Variants in DIXDC1 observed in about 807,000 individuals in gnomAD.
The protein encoded by DIXDC1 is DIX domain containing 1.
DIXDC1 carries 64 observed loss-of-function variants against 103.1 expected under a neutral mutation model. The observed-to-expected ratio is 0.62, with a 90% CI of 0.51 to 0.76. The LOEUF is 0.76. Ranked by LOEUF, DIXDC1 falls within the 30% of genes least tolerant of loss-of-function variation. DIXDC1 has a pLI of 0.00. For missense variants in DIXDC1, 759 were observed against 834.2 expected, an observed-to-expected ratio of 0.91 and a Z score of 1.11; for synonymous variants, 266 against 298.5, an observed-to-expected ratio of 0.89 and a Z score of 1.12.
chr11:111,929,095 C>T (rs587692627), intron 1 of DIXDC1, among the ~76,000 whole-genome samples: 9 of 152,202 alleles, frequency 5.9e-5, no homozygotes, highest in African/African-American at 2.2e-4. Flanking sequence ...AGGAGAATCG[C>T]TTGAACCTGG....
rs1469329989 is a variant in DIXDC1, at chr11:112,021,937, C to G, written c.*2901C>G. 1 of 150,906 alleles carries G rather than the reference C, an allele frequency of 6.6e-6. No individual in the cohort carries two copies. Among genetic ancestry groups the G allele is most frequent in the African/African-American group, 2.4e-5 (1 of 40,910 alleles). 9.3% of individuals were successfully genotyped at this position (150,906 alleles called of 1,614,324 possible). ...TTGAGGTTGCAGTGAGCTGATCATG[C>G]CACTGCACTCTAGCCTAGGCTACAG... On this transcript the variant is annotated 3_prime_UTR_variant, in exon 20 of 20. Transcript: ENST00000440460.
rs1221666046 is a variant in DIXDC1, at chr11:111,966,397, ATTTTTTTTTT to A, written c.190+1734_190+1743del. Reference sequence around the variant, plus strand: ...ACCACCACGCCAAGCTAATTTTTGTATTTTTTTTTTTTTTTTTTTTTTTTGAGACGGAGTC... The same window carrying A: ...ACCACCACGCCAAGCTAATTTTTGTATTTTTTTTTTTTTTGAGACGGAGTC... On this transcript the variant is annotated intron_variant, in intron 2 of 19. Coordinates refer to ENST00000440460, the MANE Select transcript of DIXDC1 (RefSeq NM_001037954.4). Among the ~76,000 whole-genome samples, 388 of 58,658 alleles carry A rather than the reference ATTTTTTTTTT, an allele frequency of 6.6e-3. 4 individuals carry two copies. Among genetic ancestry groups the A allele is most frequent in the African/African-American group, 0.023 (359 of 15,660 alleles). The allele number at this position is 58,658 out of a possible 152,430, so 38.5% of individuals were successfully genotyped here.
At chr11:112,016,935 G>C (rs1861608231) in intron 18 of DIXDC1, 139 bp downstream of exon 18, 1 of 681,214 alleles carries the variant, frequency 1.5e-6, no homozygotes, top group Admixed American at 3.3e-5. Context: ...ATAAGCCAGA[G>C]AGACAGATTC....
chr11:111,950,049 A>G (rs1445843332), intron 1 of DIXDC1, among the ~76,000 whole-genome samples: 1 of 152,192 alleles, frequency 6.6e-6, no homozygotes, highest in Non-Finnish European at 1.5e-5. Context: ...ACTTGAATAA[A>G]TGAATGCATG....
At position 111,996,141 on chromosome 11, in the gene DIXDC1, A is replaced by G. The variant is rs1860892637; in HGVS notation, c.1751A>G (p.Asn584Ser). 3.1e-6 allele frequency: 5 copies of G among 1,613,388 alleles called. No individual in the cohort carries two copies. The highest frequency in any genetic ancestry group is 4.2e-6 in the Non-Finnish European group (5 of 1,179,670). Reference sequence around the variant, plus strand: ...GAATACCGGGAGTCCTGGCCCCCTAACTCAAGTAAGTACCCATTTTTGCTC... The same window carrying G: ...GAATACCGGGAGTCCTGGCCCCCTAGCTCAAGTAAGTACCCATTTTTGCTC... ...GSEYRESWPP[N>S]SKLPHSQSSP... Residue 584 changes from asparagine to serine, a missense_variant, in exon 17 of 20, where the codon AAC becomes AGC. Coordinates refer to ENST00000440460, the MANE Select transcript of DIXDC1 (RefSeq NM_001037954.4).
intron 1 of DIXDC1, chr11:111,929,799 C>A: frequency 7.0e-7 from 1 of 1,428,070 alleles, no homozygotes; most frequent in Non-Finnish European, 9.4e-7. Context: ...TTGTACATTT[C>A]TTATTCTTCC....
At chr11:112,013,948 A>G (rs1278686919) in intron 17 of DIXDC1, among the ~76,000 whole-genome samples, 1 of 152,164 alleles carries the variant, frequency 6.6e-6, no homozygotes, top group Non-Finnish European at 1.5e-5. Context: ...CTGAGATTAC[A>G]TGGAGAGAGG....
At chr11:111,993,389 T>C in intron 12 of DIXDC1, 107 bp from the exon 13 acceptor site, 1 of 1,222,644 alleles carries the variant, frequency 8.2e-7, no homozygotes, top group Non-Finnish European at 1.2e-6. Flanking sequence ...GAAAGGACTT[T>C]TTTTCCTGAG....
chr11:112,003,969 A>G (rs1861146507), intron 17 of DIXDC1, among the ~76,000 whole-genome samples: 1 of 149,580 alleles, frequency 6.7e-6, no homozygotes, highest in Non-Finnish European at 1.5e-5. Flanking sequence ...ACTTGTGTCC[A>G]GGGATTTGAG....
intron 9 of DIXDC1, among the ~76,000 whole-genome samples, chr11:111,988,273 T>C (rs1860567157): frequency 1.3e-5 from 2 of 152,162 alleles, no homozygotes; most frequent in Admixed American, 1.3e-4. Context: ...GCTGGGATTA[T>C]AGGCATGAAC....
Position 111,995,029 on chromosome 11 carries a change from A to G in DIXDC1, c.1448A>G (p.Tyr483Cys), listed in dbSNP as rs139285669. Residue 483 changes from tyrosine (Y) to cysteine (C), a missense_variant, in exon 15 of 20, where the codon TAC (tyrosine) becomes TGC (cysteine). Tyr to Cys is a radical substitution (Grantham distance 194, BLOSUM62 -2). Around this residue, in one of 3 missense-constraint regions of DIXDC1, gnomAD observed 657 missense variants for 727.5 expected, o/e 0.90. Coordinates refer to ENST00000440460, the MANE Select transcript of DIXDC1 (RefSeq NM_001037954.4). ...MKREADEATN[Y>C]NSHNSQSNGF... is the part of the protein sequence containing the mutation. Reference sequence around the variant, plus strand: ...TTCATGCTGCTGTAGGCGACCAACTACAACAGTCACAACTCTCAAAGCAAT... The same window carrying G: ...TTCATGCTGCTGTAGGCGACCAACTGCAACAGTCACAACTCTCAAAGCAAT... The G allele has an allele frequency of 7.3e-5, 118 of 1,613,656 alleles. No individual in the cohort carries two copies. In the Admixed American group the frequency reaches 1.8e-3, roughly 25 times the overall value.
chr11:112,005,537 A>G (rs1861207906), intron 17 of DIXDC1, among the ~76,000 whole-genome samples: 1 of 152,094 alleles, frequency 6.6e-6, no homozygotes. Flanking sequence ...CTCAACAAAA[A>G]AATAAAAAAA....
chr11:111,954,524 G>C (rs1966872206), intron 1 of DIXDC1, among the ~76,000 whole-genome samples: 1 of 152,174 alleles, frequency 6.6e-6, no homozygotes. Flanking sequence ...AAGTAATCTA[G>C]AGATGATTTA....
In DIXDC1 at chr11:111,995,015, G is replaced by A. The variant is rs782169898; in HGVS notation, c.1438-4G>A. On this transcript the variant is annotated splice_region_variant and splice_polypyrimidine_tract_variant and intron_variant, in intron 14 of 19. Coordinates refer to ENST00000440460, the MANE Select transcript of DIXDC1 (RefSeq NM_001037954.4). Reference sequence around the variant, plus strand: ...ACAAGCAACATTTCTTCATGCTGCTGTAGGCGACCAACTACAACAGTCACA... The same window carrying A: ...ACAAGCAACATTTCTTCATGCTGCTATAGGCGACCAACTACAACAGTCACA... 10 of 1,612,876 alleles carry A rather than the reference G, an allele frequency of 6.2e-6. No individual in the cohort carries two copies. Among genetic ancestry groups the A allele is most frequent in the African/African-American group, 5.3e-5 (4 of 74,906 alleles).
intron 2 of DIXDC1, among the ~76,000 whole-genome samples, chr11:111,966,397 A>ATTT (rs1221666046): frequency 0.023 from 1,343 of 58,618 alleles, 201 homozygotes; most frequent in African/African-American, 0.079. Flanking sequence ...TAATTTTTGT[A>ATTT]TTTTTTTTTT....
chr11:111,992,359 A>G (rs1860737455), intron 10 of DIXDC1, 56 bp from the exon 11 acceptor site: 2 of 1,441,962 alleles, frequency 1.4e-6, no homozygotes, highest in Non-Finnish European at 1.9e-6. Flanking sequence ...ATTTGTAATA[A>G]TAACTGGCTG....
chr11:112,006,395 C>T (rs1056571358), intron 17 of DIXDC1, among the ~76,000 whole-genome samples: 3 of 152,240 alleles, frequency 2.0e-5, no homozygotes, highest in Non-Finnish European at 2.9e-5. Context: ...CTTCTGCATA[C>T]TTAAACGTCC....
At chr11:111,966,992 C>T (rs1425814414) in intron 2 of DIXDC1, among the ~76,000 whole-genome samples, 1 of 152,210 alleles carries the variant, frequency 6.6e-6, no homozygotes, top group Non-Finnish European at 1.5e-5. Flanking sequence ...TCTTCAAACA[C>T]TTTCTTTACT....
chr11:111,966,397 A>AATTT (rs1406243811), intron 2 of DIXDC1, among the ~76,000 whole-genome samples: 22 of 58,642 alleles, frequency 3.8e-4, no homozygotes, highest in African/African-American at 1.3e-3. Context: ...TAATTTTTGT[A>AATTT]TTTTTTTTTT....
Sources: allele counts gnomAD v4.1 joint callset (sites outside exome capture counted in the v4.1 genomes callset), GRCh38; gene constraint gnomAD v4.1.1; regional missense constraint gnomAD v4.1.1; transcripts MANE v1.5; gene names NCBI Gene and HGNC (gene_info 2026-07-23, HGNC 2026-07-21).